VAV2: variants seen among roughly 807,000 people sequenced by gnomAD.
VAV2 encodes guanine nucleotide exchange factor VAV2.
In VAV2, 67 loss-of-function variants were observed where a neutral mutation model predicts 132.5. The observed-to-expected ratio is 0.51, with a 90% CI of 0.42 to 0.62. The LOEUF is 0.62. Ranked by LOEUF, VAV2 falls within the 20% of genes least tolerant of loss-of-function variation. The pLI is 0.00. For missense variants in VAV2, 938 were observed against 1,153.6 expected (o/e 0.81, Z 2.71); for synonymous variants, 492 against 443.5 (o/e 1.11, Z -1.37).
intron 9 of VAV2, among the ~76,000 whole-genome samples, chr9:133,803,706 T>C (rs2131659262): frequency 6.6e-6 from 1 of 152,270 alleles, no homozygotes. Flanking sequence ...CACACCGGAA[T>C]GCTACTCCAC....
At position 133,918,279 on chromosome 9, in the gene VAV2, T is replaced by C. The variant is rs1010266915; in HGVS notation, c.321+20824A>G. ...TTTTTAAACAAAGGAGCGCACTCTC[T>C]GCGGCGGCAGAAAAGCGAACCAGAG... On this transcript the variant is annotated intron_variant, in intron 2 of 29. Coordinates refer to ENST00000371850, the MANE Select transcript of VAV2 (RefSeq NM_001134398.2). The surrounding 1 kb of genome is among the most constrained non-coding windows in gnomAD (Gnocchi z 4.7). Among the ~76,000 whole-genome samples, 2 of 152,136 alleles carry C rather than the reference T, an allele frequency of 1.3e-5. No individual in the cohort carries two copies. Among genetic ancestry groups the C allele is most frequent in the Non-Finnish European group, 2.9e-5 (2 of 68,014 alleles).
chr9:133,828,261 G>A (rs866968985), intron 4 of VAV2, among the ~76,000 whole-genome samples: 8 of 125,084 alleles, frequency 6.4e-5, no homozygotes, highest in Admixed American at 1.5e-4. Context: ...CACTGAGCAC[G>A]GGCATCGCCA....
Position 133,912,975 on chromosome 9 carries a change from G to A in VAV2, c.321+26128C>T, listed in dbSNP as rs1234723585. Among the ~76,000 whole-genome samples the A allele has an allele frequency of 6.6e-6, 1 of 152,182 alleles. No individual in the cohort carries two copies. Among genetic ancestry groups the A allele is most frequent in the Admixed American group, 6.5e-5 (1 of 15,284 alleles). Reference sequence around the variant, plus strand: ...GCGGTGGAGTGCCATTTGGAACCGGGTTTGGGAGGCAGGCACTGTCCTCTG... The same window carrying A: ...GCGGTGGAGTGCCATTTGGAACCGGATTTGGGAGGCAGGCACTGTCCTCTG... On this transcript the variant is annotated intron_variant, in intron 2 of 29. Coordinates refer to ENST00000371850, the MANE Select transcript of VAV2 (RefSeq NM_001134398.2). This position sits in a 1 kb window ranked among gnomAD's most constrained non-coding sequence, Gnocchi z 4.3.
Position 133,913,606 on chromosome 9 carries a change from G to A in VAV2, c.321+25497C>T, listed in dbSNP as rs547692792. ...TCCCAGGAGGCGGGGGACCGGACGC[G>A]CACACAGTAGGTGCACAATCGACAC... is the stretch of plus-strand genomic sequence containing the variant. On this transcript the variant is annotated intron_variant, in intron 2 of 29. Coordinates refer to ENST00000371850, the MANE Select transcript of VAV2 (RefSeq NM_001134398.2). Among the ~76,000 whole-genome samples, 7 of 152,294 alleles carry A rather than the reference G, an allele frequency of 4.6e-5. No individual in the cohort carries two copies. In the East Asian group the frequency reaches 9.7e-4, roughly 21 times the overall value.
chr9:133,829,104 G>A (rs1175146351), intron 4 of VAV2, among the ~76,000 whole-genome samples: 1 of 152,208 alleles, frequency 6.6e-6, no homozygotes, highest in Non-Finnish European at 1.5e-5. Context: ...CTAGCCCTGG[G>A]CCCCCAAGAG....
chr9:133,890,716 C>G (rs1192200406), intron 2 of VAV2, among the ~76,000 whole-genome samples: 1 of 152,188 alleles, frequency 6.6e-6, no homozygotes, highest in African/African-American at 2.4e-5. Context: ...GAAACAGCTG[C>G]CTCCCCTGCT....
At position 133,802,276 on chromosome 9, in the gene VAV2, GCA is replaced by G. The variant is rs36068507; in HGVS notation, c.836+3803_836+3804del. On this transcript the variant is annotated intron_variant, in intron 9 of 29. Coordinates refer to ENST00000371850, the MANE Select transcript of VAV2 (RefSeq NM_001134398.2). This position sits in a 1 kb window ranked among gnomAD's most constrained non-coding sequence, Gnocchi z 5.8. ...ATAACACACACGGGCACACATGTAT[GCA>G]CACACACACACATGCATGTGCACAC... Among the ~76,000 whole-genome samples the G allele has an allele frequency of 0.18, 27,694 of 150,100 alleles. 5,091 individuals carry two copies. The highest frequency in any genetic ancestry group is 0.48 in the African/African-American group (19,400 of 40,738).
At position 133,762,463 on chromosome 9, in the gene VAV2, G is replaced by C. The variant is rs1216891981; in HGVS notation, c.*1599C>G. On this transcript the variant is annotated 3_prime_UTR_variant, in exon 30 of 30. Coordinates refer to ENST00000371850, the MANE Select transcript of VAV2 (RefSeq NM_001134398.2). The surrounding 1 kb of genome is among the most constrained non-coding windows in gnomAD (Gnocchi z 5.0). Reference sequence around the variant, plus strand: ...AACCAAAACACAAGACCTTTCTGACGACAGTAAACACAGGGGCTGCTGGCT... The same window carrying C: ...AACCAAAACACAAGACCTTTCTGACCACAGTAAACACAGGGGCTGCTGGCT... The C allele has an allele frequency of 1.3e-5, 2 of 152,168 alleles. No individual in the cohort carries two copies. The highest frequency in any genetic ancestry group is 2.9e-5 in the Non-Finnish European group (2 of 68,048). The allele number at this position is 152,168 out of a possible 1,614,324, so 9.4% of individuals were successfully genotyped here. A position where few individuals can be genotyped will look rare whatever the true frequency, so the allele number is the denominator to read the frequency against.
At chr9:133,979,966 A>T (rs907226498) in intron 1 of VAV2, among the ~76,000 whole-genome samples, 4 of 152,220 alleles carry the variant, frequency 2.6e-5, no homozygotes, top group Non-Finnish European at 1.5e-5. Flanking sequence ...TGCCCCCTCC[A>T]GAAAGCCAGC....
intron 2 of VAV2, among the ~76,000 whole-genome samples, chr9:133,874,371 C>T (rs1432056850): frequency 1.3e-5 from 2 of 152,116 alleles, no homozygotes; most frequent in African/African-American, 2.4e-5. Context: ...GCACAGATGG[C>T]GCCTCCCTCC....
chr9:133,862,682 G>C (rs922332019), intron 2 of VAV2, among the ~76,000 whole-genome samples: 6 of 152,192 alleles, frequency 3.9e-5, no homozygotes, highest in Non-Finnish European at 8.8e-5. Context: ...TCATAGGAAC[G>C]GAGCCCAGAG....
At chr9:133,789,450 A>G in intron 13 of VAV2, 107 bp from the exon 14 acceptor site, 1 of 1,055,344 alleles carries the variant, frequency 9.5e-7, no homozygotes, top group Non-Finnish European at 1.4e-6. Flanking sequence ...CCCCACAGGC[A>G]GCAGAGGCGG....
At chr9:133,972,329 C>G (rs1588199862) in intron 1 of VAV2, among the ~76,000 whole-genome samples, 2 of 152,352 alleles carry the variant, frequency 1.3e-5, no homozygotes, top group East Asian at 3.9e-4. Context: ...TCCGTCCGAC[C>G]CTTCTCTAAG....
rs1236037554 is a variant in VAV2 at position 133,961,974 on chromosome 9, C to T, written c.205-22755G>A. Among the ~76,000 whole-genome samples the T allele has an allele frequency of 6.6e-6, 1 of 152,178 alleles. No homozygotes were observed. The highest frequency in any genetic ancestry group is 1.5e-5 in the Non-Finnish European group (1 of 68,028). On this transcript the variant is annotated intron_variant, in intron 1 of 29. Coordinates refer to ENST00000371850, the MANE Select transcript of VAV2 (RefSeq NM_001134398.2). The surrounding 1 kb of genome is among the most constrained non-coding windows in gnomAD (Gnocchi z 4.1). Reference sequence around the variant, plus strand: ...CATCCCCCATGCCGGGTGCTGGGGACCCTCTTCCTGAATGGTCCTCAGCCA... The same window carrying T: ...CATCCCCCATGCCGGGTGCTGGGGATCCTCTTCCTGAATGGTCCTCAGCCA...
intron 2 of VAV2, among the ~76,000 whole-genome samples, chr9:133,889,101 G>GCA (rs1838828246): frequency 6.6e-6 from 1 of 152,142 alleles, no homozygotes; most frequent in Non-Finnish European, 1.5e-5. Flanking sequence ...GAGCTGAAAG[G>GCA]GGTCTCAGTG....
intron 9 of VAV2, 68 bp from the exon 10 acceptor site, chr9:133,797,877 C>A (rs1206007079): frequency 1.4e-6 from 2 of 1,476,650 alleles, no homozygotes; most frequent in African/African-American, 2.8e-5. Flanking sequence ...GCAGTGAGCC[C>A]GTCCATTTTT....
chr9:133,861,626 T>G (rs1399959216), intron 2 of VAV2, among the ~76,000 whole-genome samples, 194 bp from the exon 3 acceptor site: 3 of 152,242 alleles, frequency 2.0e-5, no homozygotes, highest in Non-Finnish European at 2.9e-5. Context: ...GTCATTTGGA[T>G]GTGCTGGTAT....
intron 4 of VAV2, among the ~76,000 whole-genome samples, chr9:133,816,682 A>G (rs73553965): frequency 0.023 from 3,517 of 152,302 alleles, 49 homozygotes; most frequent in East Asian, 0.056. Flanking sequence ...GCAATAAGTT[A>G]TGATCGTGCC....
Position 133,834,315 on chromosome 9 carries a change from C to T in VAV2, c.406G>A (p.Glu136Lys). 1 of 1,612,864 alleles carries T rather than the reference C, an allele frequency of 6.2e-7. No homozygotes were observed. Among genetic ancestry groups the T allele is most frequent in the Non-Finnish European group, 8.5e-7 (1 of 1,179,550 alleles). The change falls in exon 4 of 30, where the codon GAG becomes AAG. Residue 136 changes from glutamate to lysine, a missense_variant. Glu to Lys is a moderately conservative substitution (Grantham distance 56). Coordinates refer to ENST00000371850, the MANE Select transcript of VAV2 (RefSeq NM_001134398.2). This position sits in a 1 kb window ranked among gnomAD's most constrained non-coding sequence, Gnocchi z 5.9. ...CTGCGGTAGACGTCATCGTCATTCT[C>T]TGTGGTCTCCTCTGAGGGAAAAGGC... ...IRPFPSEETT[E>K]NDDDVYRSLE...
Sources: allele counts gnomAD v4.1 joint callset (sites outside exome capture counted in the v4.1 genomes callset), GRCh38; gene constraint gnomAD v4.1.1; non-coding constraint Gnocchi (gnomAD v3.1); transcripts MANE v1.5; gene names NCBI Gene and HGNC (gene_info 2026-07-23, HGNC 2026-07-21).